PSG4: variants seen among roughly 807,000 people sequenced by gnomAD.
The protein encoded by PSG4 is pregnancy specific beta-1-glycoprotein 4, also known as pregnancy-specific beta-1-glycoprotein 4.
Under a neutral mutation model 44.3 loss-of-function variants are expected in PSG4, and 61 were observed. The ratio of observed to expected loss-of-function variants is 1.38; its 90% confidence interval spans 1.12 to 1.70. The LOEUF (loss-of-function observed/expected upper bound fraction) is 1.70. Among genes scored for constraint, PSG4 ranks in the 40% most tolerant of loss-of-function variants. The probability of loss-of-function intolerance (pLI) is 0.00; values close to 1 mark genes in which losing one functional copy is unlikely to be tolerated. For synonymous variants in PSG4, 248 were observed against 191.3 expected (o/e 1.30, Z -2.45); for missense variants, 677 against 511.7 (o/e 1.32, Z -3.12).
At chr19:43,205,264 T>A (rs1967729434) in intron 1 of PSG4, among the ~76,000 whole-genome samples, 1 of 143,088 alleles carries the variant, frequency 7.0e-6, no homozygotes, top group African/African-American at 2.7e-5. Flanking sequence ...CACACCACTA[T>A]ACCTGGTTAA....
In PSG4 at chr19:43,195,019, C is replaced by T. The variant is rs576741968; in HGVS notation, c.964G>A (p.Asp322Asn). 2.5e-6 allele frequency: 4 copies of T among 1,611,848 alleles called. No individual in the cohort carries two copies. Among genetic ancestry groups the T allele is most frequent in the Admixed American group, 3.3e-5 (2 of 59,844 alleles). The part of the protein sequence containing the change: ...IRDRYGGIRS[D>N]PVTLNVLYGP... ...CAGAGGACATTCAGGGTGACTGGGTCACTGCGGATGCCACCATATCGGTCC... is the reference window on the plus strand; with the variant it reads ...CAGAGGACATTCAGGGTGACTGGGTTACTGCGGATGCCACCATATCGGTCC... The change falls in exon 4 of 6, where the codon GAC (aspartate) becomes AAC (asparagine). Residue 322 changes from aspartate to asparagine, a missense_variant. Asp to Asn is a conservative substitution (Grantham distance 23). Coordinates refer to ENST00000405312, the MANE Select transcript of PSG4 (RefSeq NM_002780.5).
chr19:43,193,507 A>G lies in PSG4; in HGVS notation c.1244-119T>C. 3 of 721,236 alleles carry G rather than the reference A, an allele frequency of 4.2e-6. 1 individual carries two copies. The highest frequency in any genetic ancestry group is 7.6e-6 in the Non-Finnish European group (3 of 395,156). 44.7% of individuals were successfully genotyped at this position (721,236 alleles called of 1,614,324 possible). ...CTCTATGGGCATCTCTAGTTTTACCAATGATAATTTCAGTAGAATAAGTTT... is the reference window on the plus strand; with the variant it reads ...CTCTATGGGCATCTCTAGTTTTACCGATGATAATTTCAGTAGAATAAGTTT... On this transcript the variant is annotated intron_variant, in intron 5 of 5. Transcript: ENST00000405312.
Position 43,194,335 on chromosome 19 carries a change from C to T in PSG4, c.1243+5G>A. The T allele has an allele frequency of 6.2e-7, 1 of 1,612,312 alleles. No homozygotes were observed. The highest frequency in any genetic ancestry group is 8.5e-7 in the Non-Finnish European group (1 of 1,179,084). On this transcript the variant is annotated splice_donor_5th_base_variant and intron_variant, in intron 5 of 5. Coordinates refer to ENST00000405312, the MANE Select transcript of PSG4 (RefSeq NM_002780.5). ...CTATTGCCAAGGATGCTGGGATCCA[C>T]TTACCAGAGACTTTGACTGTGATGG...
At chr19:43,194,233 G>A in intron 5 of PSG4, 107 bp downstream of exon 5, 1 of 1,595,272 alleles carries the variant, frequency 6.3e-7, no homozygotes, top group Non-Finnish European at 8.5e-7. Context: ...ATTTGCTTGT[G>A]CCCATGGGAC....
Position 43,195,186 on chromosome 19 carries a change from C to T in PSG4, c.797G>A (p.Ser266Asn), listed in dbSNP as rs762886043. ...DVLTFTCEPKSKNYTYIWWLN... is the reference protein window; with the variant it reads ...DVLTFTCEPKNKNYTYIWWLN... ...CCACCAAATGTAGGTGTAGTTCTTA[C>T]TCTTAGGTTCACAGGTGAAGGTTAA... The change falls in exon 4 of 6, where the codon AGT becomes AAT. Residue 266 changes from serine (S) to asparagine (N), a missense_variant. Ser to Asn is a conservative substitution (Grantham distance 46). Transcript: ENST00000405312. 6.2e-7 allele frequency: 1 copy of T among 1,610,064 alleles called. No individual in the cohort carries two copies. The highest frequency in any genetic ancestry group is 1.1e-5 in the South Asian group (1 of 90,922).
intron 2 of PSG4, among the ~76,000 whole-genome samples, chr19:43,200,399 G>T (rs1476161950): frequency 7.1e-6 from 1 of 139,866 alleles, no homozygotes; most frequent in Non-Finnish European, 1.5e-5. Flanking sequence ...AATTGCTATT[G>T]TCAAAAAAAA....
intron 3 of PSG4, among the ~76,000 whole-genome samples, chr19:43,195,663 C>G (rs188774015): frequency 6.6e-6 from 1 of 151,408 alleles, no homozygotes; most frequent in Admixed American, 6.6e-5. Context: ...CCTTTGCCCC[C>G]CTAGATGAGA....
At position 43,205,560 on chromosome 19, in the gene PSG4, C is replaced by G; in HGVS notation, c.-24G>C. On this transcript the variant is annotated 5_prime_UTR_variant, in exon 1 of 6. Coordinates refer to ENST00000405312, the MANE Select transcript of PSG4 (RefSeq NM_002780.5). ...ATGGTCTCTGCTGCTTGTGTGTTCT[C>G]CTCTGTGGAGATAAGCCTAGGATCC... 1 of 1,534,780 alleles carries G rather than the reference C, an allele frequency of 6.5e-7. No individual in the cohort carries two copies. The highest frequency in any genetic ancestry group is 1.1e-5 in the South Asian group (1 of 88,092).
Position 43,203,944 on chromosome 19 carries a change from G to A in PSG4, c.372C>T (p.Ile124=), listed in dbSNP as rs1300760726. 4.4e-6 allele frequency: 7 copies of A among 1,586,924 alleles called. 1 individual carries two copies. In the South Asian group the frequency reaches 5.6e-5, roughly 13 times the overall value. ...QEDAGSYTLH[I]IKRRDGTGGV... is the part of the protein sequence containing the mutation. ...CTCCAGTCCCATCGCGTCGCTTTAT[G>A]ATGTGTAAGGTGTAGGATCCTGCAT... is the stretch of plus-strand genomic sequence containing the variant. Residue 124 remains isoleucine, a synonymous_variant, in exon 2 of 6, where the codon ATC becomes ATT. Coordinates refer to ENST00000405312, the MANE Select transcript of PSG4 (RefSeq NM_002780.5).
intron 3 of PSG4, among the ~76,000 whole-genome samples, chr19:43,196,202 AT>A (rs1967238810): frequency 2.0e-5 from 3 of 151,604 alleles, no homozygotes; most frequent in African/African-American, 7.3e-5. Flanking sequence ...TTTTGCAAAT[AT>A]TTTCTTTCAT....
intron 5 of PSG4, 192 bp from the exon 6 acceptor site, chr19:43,193,580 A>G (rs999653736): frequency 4.1e-5 from 25 of 614,884 alleles, no homozygotes; most frequent in African/African-American, 9.3e-5. Flanking sequence ...GATTCTTTAC[A>G]TAAGTGCAGC....
chr19:43,200,170 G>A (rs372185272), intron 2 of PSG4, among the ~76,000 whole-genome samples: 5 of 145,346 alleles, frequency 3.4e-5, no homozygotes, highest in African/African-American at 5.3e-5. Flanking sequence ...AATAGGAAGA[G>A]TCTAAGTGAG....
rs915757630 is a variant in PSG4 at position 43,193,052 on chromosome 19, G to T, written c.*320C>A. ...TAATGACTGCATTATCCTGCCAAGT[G>T]AAAGAGGCAGGCATGAGCAAGGACG... On this transcript the variant is annotated 3_prime_UTR_variant, in exon 6 of 6. Coordinates refer to ENST00000405312, the MANE Select transcript of PSG4 (RefSeq NM_002780.5). 3.6e-5 allele frequency: 21 copies of T among 587,254 alleles called. 1 individual carries two copies. Among genetic ancestry groups the T allele is most frequent in the South Asian group, 1.3e-4 (6 of 47,602 alleles). 36.4% of individuals were successfully genotyped at this position (587,254 alleles called of 1,614,324 possible). A position where few individuals can be genotyped will look rare whatever the true frequency, so the allele number is the denominator to read the frequency against.
Position 43,192,912 on chromosome 19 carries a change from G to T in PSG4, c.*460C>A, listed in dbSNP as rs189269017. On this transcript the variant is annotated 3_prime_UTR_variant, in exon 6 of 6. Coordinates refer to ENST00000405312, the MANE Select transcript of PSG4 (RefSeq NM_002780.5). ...TGTGTTCATTTCTATTGGGAGCCCT[G>T]TATGCAAGATGGAGAGAGCCACATT... 68 of 375,202 alleles carry T rather than the reference G, an allele frequency of 1.8e-4. No individual in the cohort carries two copies. Among genetic ancestry groups the T allele is most frequent in the Non-Finnish European group, 2.2e-4 (46 of 205,618 alleles). The allele number at this position is 375,202 out of a possible 1,614,324, so 23.2% of individuals were successfully genotyped here.
intron 3 of PSG4, 31 bp from the exon 4 acceptor site, chr19:43,195,304 G>A (rs994726902): frequency 6.2e-7 from 1 of 1,603,210 alleles, no homozygotes; most frequent in Non-Finnish European, 8.5e-7. Context: ...AGATTGTCCT[G>A]TGTGGCACCT....
intron 5 of PSG4, 77 bp downstream of exon 5, chr19:43,194,263 G>A (rs1452123432): frequency 4.4e-6 from 7 of 1,608,098 alleles, no homozygotes; most frequent in Middle Eastern, 2.1e-4. Context: ...GAATAAAAAT[G>A]TTTTCCTCAC....
At chr19:43,193,550 A>C in intron 5 of PSG4, 162 bp from the exon 6 acceptor site, 1 of 642,724 alleles carries the variant, frequency 1.6e-6, no homozygotes, top group Non-Finnish European at 2.8e-6. Context: ...AAATAGGTTG[A>C]GTTTCTTCAA....
rs544572419 is a variant in PSG4 at position 43,199,147 on chromosome 19, G to A, written c.431-872C>T. On this transcript the variant is annotated intron_variant, in intron 2 of 5. Transcript: ENST00000405312. The stretch of plus-strand genomic sequence containing the variant: ...AGATGATGGAAGTCTGGCCCTCATG[G>A]ACCATATGCGTTTGGTGGATATTAG... Among the ~76,000 whole-genome samples the A allele has an allele frequency of 4.9e-4, 72 of 146,214 alleles. 17 individuals are homozygous for A. Among genetic ancestry groups the A allele is most frequent in the African/African-American group, 1.8e-3 (70 of 38,320 alleles).
chr19:43,196,926 A>G (rs1418242066), intron 3 of PSG4: 2 of 146,196 alleles, frequency 1.4e-5, no homozygotes, highest in Non-Finnish European at 3.0e-5. Flanking sequence ...AACTTTGGGT[A>G]GTATTGTCTT....
Sources: allele counts gnomAD v4.1 joint callset (sites outside exome capture counted in the v4.1 genomes callset), GRCh38; gene constraint gnomAD v4.1.1; transcripts MANE v1.5; gene names NCBI Gene and HGNC (gene_info 2026-07-23, HGNC 2026-07-21).